Variants in ASPRV1 observed in about 807,000 individuals in gnomAD.
ASPRV1 encodes the protein retroviral-like aspartic protease 1.
Under a neutral mutation model 11.0 loss-of-function variants are expected in ASPRV1, and 7 were observed. The ratio of observed to expected loss-of-function variants is 0.64; its 90% CI spans 0.36 to 1.20. The LOEUF is 1.20. ASPRV1 is among the 50% of genes most tolerant of loss of function. The probability of loss-of-function intolerance (pLI) is 0.02; values close to 1 mark genes in which losing one functional copy is unlikely to be tolerated. For missense variants in ASPRV1, 299 were observed against 320.0 expected (o/e 0.93, Z 0.50); for synonymous variants, 136 against 138.4 (o/e 0.98, Z 0.12).
the ASPRV1 span, chr2:70,049,162 A>G: frequency 3.4e-5 from 5 of 146,254 alleles, no homozygotes; most frequent in East Asian, 1.1e-3. Context: ...AGCATTAGGT[A>G]TATCTCCTAA....
chr2:70,056,086 A>G, the ASPRV1 span: 1 of 152,214 alleles, frequency 6.6e-6, no homozygotes, highest in South Asian at 2.1e-4. Context: ...AAATAAGCCC[A>G]TCACACACAC....
the ASPRV1 span, among the ~76,000 whole-genome samples, chr2:70,025,130 A>ACAGACACT: frequency 6.6e-6 from 1 of 152,234 alleles, no homozygotes; most frequent in African/African-American, 2.4e-5. Flanking sequence ...CACTTGTATT[A>ACAGACACT]TCTCAACAGA....
chr2:69,991,609 C>G, the ASPRV1 span, among the ~76,000 whole-genome samples: 1 of 151,922 alleles, frequency 6.6e-6, no homozygotes, highest in African/African-American at 2.4e-5. Context: ...GTGCAATGGC[C>G]CAATCTCGGC....
chr2:70,049,226 T>C, the ASPRV1 span: 2 of 131,460 alleles, frequency 1.5e-5, no homozygotes, highest in East Asian at 2.3e-4. Context: ...TCATAGGTTC[T>C]GGGACAACAT....
chr2:70,005,583 T>C, the ASPRV1 span, among the ~76,000 whole-genome samples: 17 of 152,330 alleles, frequency 1.1e-4, no homozygotes, highest in African/African-American at 4.1e-4. Context: ...GCTTCTTGAG[T>C]GTCCAACTTG....
chr2:70,071,438 C>G, the ASPRV1 span, among the ~76,000 whole-genome samples: 1 of 152,092 alleles, frequency 6.6e-6, no homozygotes, highest in Non-Finnish European at 1.5e-5. Context: ...CTGTATAGTT[C>G]CGGGGTACTG....
At chr2:69,951,666 T>C in the ASPRV1 span, among the ~76,000 whole-genome samples, 4 of 151,666 alleles carry the variant, frequency 2.6e-5, no homozygotes, top group East Asian at 7.7e-4. Context: ...ACTCATTGCT[T>C]TTGCAATTAA....
At chr2:70,076,113 G>A in the ASPRV1 span, among the ~76,000 whole-genome samples, 2 of 152,040 alleles carry the variant, frequency 1.3e-5, no homozygotes, top group Non-Finnish European at 2.9e-5. Context: ...GAGAATAATC[G>A]AGGCACATGC....
At chr2:69,965,634 G>A (rs1031406491), upstream of ASPRV1, among the ~76,000 whole-genome samples, 2 of 152,098 alleles carry the variant, frequency 1.3e-5, no homozygotes. Context: ...TGACCACAGC[G>A]AGATACATTT....
downstream of ASPRV1, among the ~76,000 whole-genome samples, chr2:69,956,526 GAGA>G (rs1433263253): frequency 6.7e-6 from 1 of 148,230 alleles, no homozygotes; most frequent in African/African-American, 2.6e-5. Context: ...GGAGGAGGAG[GAGA>G]AGGAGGAGGA....
chr2:70,036,914 G>A, the ASPRV1 span, among the ~76,000 whole-genome samples: 3 of 152,026 alleles, frequency 2.0e-5, no homozygotes, highest in African/African-American at 7.2e-5. Flanking sequence ...TACTCTTCAG[G>A]TTCTAATTGA....
chr2:70,029,460 G>A, the ASPRV1 span, among the ~76,000 whole-genome samples: 1 of 152,016 alleles, frequency 6.6e-6, no homozygotes, highest in Non-Finnish European at 1.5e-5. Context: ...CCAACATGGT[G>A]AAACCCCATC....
the ASPRV1 span, among the ~76,000 whole-genome samples, chr2:70,001,935 A>T: frequency 6.6e-6 from 1 of 152,208 alleles, no homozygotes. Context: ...AAAAATGTTC[A>T]CAATGTATTG....
At chr2:69,947,806 A>C in the ASPRV1 span, among the ~76,000 whole-genome samples, 2 of 152,112 alleles carry the variant, frequency 1.3e-5, no homozygotes, top group African/African-American at 4.8e-5. Flanking sequence ...GCCAAGGACT[A>C]GGAGGGTGGT....
At chr2:70,063,491 A>T in the ASPRV1 span, among the ~76,000 whole-genome samples, 1 of 152,178 alleles carries the variant, frequency 6.6e-6, no homozygotes. Flanking sequence ...TGCCTGGTTC[A>T]GTGGGAGGAG....
At chr2:70,008,416 T>G in the ASPRV1 span, among the ~76,000 whole-genome samples, 1 of 152,020 alleles carries the variant, frequency 6.6e-6, no homozygotes. Context: ...CTCCAGAATA[T>G]TCAGAAGTGC....
chr2:70,007,346 C>T, the ASPRV1 span, among the ~76,000 whole-genome samples: 2 of 151,988 alleles, frequency 1.3e-5, no homozygotes, highest in East Asian at 1.9e-4. Context: ...GGAGAAACTC[C>T]GTTTCTACTT....
the ASPRV1 span, among the ~76,000 whole-genome samples, chr2:70,084,466 C>T: frequency 6.6e-6 from 1 of 152,154 alleles, no homozygotes; most frequent in Non-Finnish European, 1.5e-5. Flanking sequence ...CCTTGCTTTA[C>T]CACTTAATAG....
chr2:69,966,707 A>C, the ASPRV1 span, among the ~76,000 whole-genome samples: 2 of 152,220 alleles, frequency 1.3e-5, no homozygotes, highest in Non-Finnish European at 2.9e-5. Context: ...GTCCAACTTA[A>C]ATACCTCAAA....
Sources: gnomAD v4.1 joint callset for allele counts (sites outside exome capture counted in the v4.1 genomes callset) on GRCh38, gnomAD v4.1.1 for gene constraint, MANE v1.5 for transcripts, NCBI Gene and HGNC (gene_info 2026-07-23, HGNC 2026-07-21) for gene names.